Variants in CD44 observed in about 807,000 individuals in gnomAD.
CD44 encodes CD44 molecule (IN blood group).
CD44 carries 49 observed loss-of-function variants against 88.8 expected under a neutral mutation model. The ratio of observed to expected loss-of-function variants is 0.55; its 90% CI spans 0.44 to 0.70. The LOEUF (loss-of-function observed/expected upper bound fraction) is 0.70. Ranked by LOEUF, CD44 falls within the 30% of genes least tolerant of loss-of-function variation. CD44 has a pLI of 0.00. For synonymous variants in CD44, 325 were observed against 312.3 expected, an observed-to-expected ratio of 1.04 and a Z score of -0.43; for missense variants, 883 against 913.8, an observed-to-expected ratio of 0.97 and a Z score of 0.43.
intron 1 of CD44, among the ~76,000 whole-genome samples, chr11:35,144,252 C>T (rs1217658954): frequency 1.3e-5 from 2 of 152,216 alleles, no homozygotes; most frequent in African/African-American, 4.8e-5. Context: ...TGTGCTTCCC[C>T]GGCACCTTCG....
chr11:35,204,770 G>A, intron 10 of CD44, 130 bp downstream of exon 10: 1 of 836,654 alleles, frequency 1.2e-6, no homozygotes, highest in African/African-American at 1.7e-5. Context: ...AATAAATTAT[G>A]CTGCAGTTCA....
At chr11:35,209,512 A>C (rs572735574) in intron 12 of CD44, among the ~76,000 whole-genome samples, 1 of 152,194 alleles carries the variant, frequency 6.6e-6, no homozygotes, top group Non-Finnish European at 1.5e-5. Context: ...TTGTGGTTAC[A>C]ACTAGACTAC....
At chr11:35,160,354 A>T (rs1443085084) in intron 1 of CD44, among the ~76,000 whole-genome samples, 1 of 152,162 alleles carries the variant, frequency 6.6e-6, no homozygotes, top group Non-Finnish European at 1.5e-5. Context: ...AAAGGCGTTT[A>T]TTTGGTGTAT....
rs971551331 is a variant in CD44, at chr11:35,158,264, G to A, written c.68-18311G>A. Among the ~76,000 whole-genome samples the A allele has an allele frequency of 2.6e-5, 4 of 152,308 alleles. No individual in the cohort carries two copies. The South Asian group carries it at 8.3e-4, about 32-fold the overall frequency. On this transcript the variant is annotated intron_variant, in intron 1 of 17. Coordinates refer to ENST00000428726, the MANE Select transcript of CD44 (RefSeq NM_000610.4). ...ATCTTCTTCCAAAGGCCGGAATTGA[G>A]AAGGTTTACTCCAGCCCACATAATT... is the stretch of plus-strand genomic sequence containing the variant.
chr11:35,218,431 C>T (rs1373214579), intron 15 of CD44, among the ~76,000 whole-genome samples: 2 of 152,036 alleles, frequency 1.3e-5, no homozygotes, highest in East Asian at 3.9e-4. Context: ...TGGGTTCAAG[C>T]AATTCTCCTG....
rs1364681356 is a variant in CD44 at position 35,229,272 on chromosome 11, A to G, written c.2168A>G (p.Gln723Arg). ...VNKESSETPD[Q>R]FMTADETRNL... ...AAGGAGTCGTCAGAAACTCCAGACC[A>G]GTTTATGACAGCTGATGAGACAAGG... Residue 723 changes from glutamine to arginine, a missense_variant, in exon 18 of 18, where the codon CAG (glutamine) becomes CGG (arginine). Gln to Arg is a conservative substitution (Grantham distance 43, BLOSUM62 1). Coordinates refer to ENST00000428726, the MANE Select transcript of CD44 (RefSeq NM_000610.4). The G allele has an allele frequency of 6.2e-7, 1 of 1,614,076 alleles. No individual in the cohort carries two copies.
At position 35,229,438 on chromosome 11, in the gene CD44, A is replaced by T; in HGVS notation, c.*105A>T. ...ATGTGCTACTGATTGTTTCATTGCG[A>T]ATCTTTTTTAGCATAAAATTTTCTA... On this transcript the variant is annotated 3_prime_UTR_variant, in exon 18 of 18. Coordinates refer to ENST00000428726, the MANE Select transcript of CD44 (RefSeq NM_000610.4). 2 of 689,318 alleles carry T rather than the reference A, an allele frequency of 2.9e-6. No homozygotes were observed. Among genetic ancestry groups the T allele is most frequent in the Admixed American group, 6.2e-5 (2 of 32,506 alleles). 42.7% of individuals were successfully genotyped at this position (689,318 alleles called of 1,614,324 possible). A position where few individuals can be genotyped will look rare whatever the true frequency, so the allele number is the denominator to read the frequency against.
chr11:35,201,481 A>G, intron 8 of CD44, 190 bp from the exon 9 acceptor site: 1 of 645,366 alleles, frequency 1.5e-6, no homozygotes, highest in Non-Finnish European at 2.6e-6. Flanking sequence ...GGGAACATGA[A>G]GAAATTCCAA....
chr11:35,185,683 A>G (rs1381826830), intron 3 of CD44, among the ~76,000 whole-genome samples: 1 of 152,170 alleles, frequency 6.6e-6, no homozygotes, highest in African/African-American at 2.4e-5. Context: ...ATAAATTTCC[A>G]TTTTAATTTA....
chr11:35,180,770 T>A (rs891782745), intron 3 of CD44, among the ~76,000 whole-genome samples: 4 of 152,172 alleles, frequency 2.6e-5, no homozygotes, highest in Non-Finnish European at 5.9e-5. Flanking sequence ...TAAGAAAGTT[T>A]ACGGGTTTGT....
chr11:35,211,472 G>A (rs983648502), intron 14 of CD44, 23 bp downstream of exon 14: 1 of 1,569,786 alleles, frequency 6.4e-7, no homozygotes, highest in Non-Finnish European at 8.8e-7. Flanking sequence ...TTATTATCTA[G>A]TTTGCTTTCT....
intron 1 of CD44, among the ~76,000 whole-genome samples, chr11:35,165,509 TG>T (rs1225655417): frequency 6.6e-6 from 1 of 152,222 alleles, no homozygotes; most frequent in Non-Finnish European, 1.5e-5. Flanking sequence ...TGAAGGAAAC[TG>T]CTACGTGGCA....
At chr11:35,146,262 T>A (rs1859141515) in intron 1 of CD44, among the ~76,000 whole-genome samples, 1 of 152,178 alleles carries the variant, frequency 6.6e-6, no homozygotes, top group African/African-American at 2.4e-5. Flanking sequence ...TTTCAGGTCT[T>A]CAGCTTTTAA....
At chr11:35,205,737 G>T (rs1240950699) in intron 10 of CD44, 3 of 953,424 alleles carry the variant, frequency 3.1e-6, no homozygotes, top group Non-Finnish European at 3.7e-6. Flanking sequence ...GAATATGGTT[G>T]TCTCAGAATA....
chr11:35,211,326 C>A lies in CD44; in HGVS notation c.1687C>A (p.His563Asn). ...STTLLEGYTSHYPHTKESRTF... is the reference protein window; with the variant it reads ...STTLLEGYTSNYPHTKESRTF... The stretch of plus-strand genomic sequence containing the variant: ...TACTTTACTGGAAGGTTATACCTCT[C>A]ATTACCCACACACGAAGGAAAGCAG... Residue 563 changes from histidine (H) to asparagine (N), a missense_variant, in exon 14 of 18, where the codon CAT (histidine) becomes AAT (asparagine). Around this residue, in one of 2 missense-constraint regions of CD44, gnomAD observed 631 missense variants for 590.9 expected, o/e 1.07. Coordinates refer to ENST00000428726, the MANE Select transcript of CD44 (RefSeq NM_000610.4). 1 of 1,613,940 alleles carries A rather than the reference C, an allele frequency of 6.2e-7. No individual in the cohort carries two copies. Among genetic ancestry groups the A allele is most frequent in the East Asian group, 2.2e-5 (1 of 44,874 alleles).
chr11:35,189,939 G>A lies in CD44; in HGVS notation c.541G>A (p.Gly181Ser), dbSNP rs759659880. 20 of 1,613,812 alleles carry A rather than the reference G, an allele frequency of 1.2e-5. No individual in the cohort carries two copies. The highest frequency in any genetic ancestry group is 1.5e-5 in the Non-Finnish European group (18 of 1,179,874). ...SNPTDDDVSS[G>S]SSSERSSTSG... ...CCCTACTGATGATGACGTGAGCAGC[G>A]GCTCCTCCAGTGAAAGGAGCAGCAC... is the stretch of plus-strand genomic sequence containing the variant. Residue 181 changes from glycine to serine, a missense_variant, in exon 5 of 18, where the codon GGC (glycine) becomes AGC (serine). Gly to Ser is a moderately conservative substitution (Grantham distance 56). Transcript: ENST00000428726.
chr11:35,145,485 G>C (rs1190107487), intron 1 of CD44, among the ~76,000 whole-genome samples: 1 of 152,122 alleles, frequency 6.6e-6, no homozygotes, highest in Non-Finnish European at 1.5e-5. Flanking sequence ...TCACCCATCT[G>C]TTTGTTTGCG....
rs1373481766 is a variant in CD44, at chr11:35,199,941, T to G, written c.923-1141T>G. 1.9e-4 allele frequency among the ~76,000 whole-genome samples: 28 copies of G among 145,464 alleles called. No individual in the cohort carries two copies. The East Asian group carries it at 4.5e-3, about 24-fold the overall frequency. ...AAAATTTCCCATGGTGTTGTTTTTT[T>G]TTTTTTTTTTTTTTTTTTTTAATTT... is the stretch of plus-strand genomic sequence containing the variant. On this transcript the variant is annotated intron_variant, in intron 7 of 17. Transcript: ENST00000428726.
intron 1 of CD44, among the ~76,000 whole-genome samples, chr11:35,140,073 C>T (rs1313031826): frequency 6.6e-6 from 1 of 152,246 alleles, no homozygotes; most frequent in Non-Finnish European, 1.5e-5. Context: ...GTCCTCACCA[C>T]CTCCTGCTTC....
Sources: gnomAD v4.1 joint callset for allele counts (sites outside exome capture counted in the v4.1 genomes callset) on GRCh38, gnomAD v4.1.1 for gene constraint, gnomAD v4.1.1 regional missense constraint, MANE v1.5 for transcripts, NCBI Gene and HGNC (gene_info 2026-07-23, HGNC 2026-07-21) for gene names.